Variants in SH3BP4 observed in about 807,000 individuals in gnomAD.
SH3BP4 encodes the protein SH3 domain-binding protein 4.
A neutral mutation model predicts 65.5 loss-of-function variants in SH3BP4; 33 were observed. That is an observed-to-expected ratio of 0.50 (90% CI 0.38 to 0.67). The LOEUF is 0.67. SH3BP4 is among the 30% of genes least tolerant of loss of function. SH3BP4 has a pLI of 0.00. For missense variants in SH3BP4, 1,134 were observed against 1,261.4 expected (o/e 0.90, Z 1.53); for synonymous variants, 552 against 545.5 (o/e 1.01, Z -0.17).
chr2:234,999,858 G>A (rs1289959222), intron 2 of SH3BP4, among the ~76,000 whole-genome samples: 1 of 152,224 alleles, frequency 6.6e-6, no homozygotes, highest in Middle Eastern at 3.2e-3. Flanking sequence ...GCTCTGTCAC[G>A]CGGCCTCTGC....
intron 1 of SH3BP4, among the ~76,000 whole-genome samples, chr2:234,956,989 A>G (rs1178540218): frequency 9.9e-5 from 15 of 151,810 alleles, no homozygotes; most frequent in Admixed American, 9.8e-4. Flanking sequence ...GTATCTGCCA[A>G]TTTCTGTGAC....
At chr2:235,038,366 A>AATATATTTTTT (rs1695503102) in intron 3 of SH3BP4, among the ~76,000 whole-genome samples, 3 of 39,680 alleles carry the variant, frequency 7.6e-5, no homozygotes, top group African/African-American at 1.2e-4. Flanking sequence ...ATATATATAT[A>AATATATTTTTT]ATATATATAC....
chr2:234,979,394 T>C (rs1261461712), intron 1 of SH3BP4: 1 of 152,214 alleles, frequency 6.6e-6, no homozygotes, highest in Non-Finnish European at 1.5e-5. Flanking sequence ...TTTTATCACA[T>C]GGGGTTGTGT....
chr2:235,051,289 G>A (rs1696044730), intron 4 of SH3BP4, among the ~76,000 whole-genome samples: 1 of 152,162 alleles, frequency 6.6e-6, no homozygotes, highest in Admixed American at 6.5e-5. Flanking sequence ...AGGACTAGCA[G>A]GCCTGCTGTC....
intron 1 of SH3BP4, among the ~76,000 whole-genome samples, chr2:234,972,544 G>A (rs1693032530): frequency 6.6e-6 from 1 of 151,978 alleles, no homozygotes; most frequent in Non-Finnish European, 1.5e-5. Flanking sequence ...GGGCAACATA[G>A]TGAAACCCTG....
In SH3BP4 at chr2:235,045,934, A is replaced by C. The variant is rs1160930741; in HGVS notation, c.2478+2687A>C. Among the ~76,000 whole-genome samples the C allele has an allele frequency of 2.0e-5, 3 of 152,192 alleles. No individual in the cohort carries two copies. ...ACAGTCAGTGTGCAGGGAGATGGGA[A>C]GGAAAAAGGAGTCAAATGAGACCTG... On this transcript the variant is annotated intron_variant, in intron 4 of 5. Coordinates refer to ENST00000392011, the MANE Select transcript of SH3BP4 (RefSeq NM_014521.3). This position sits in a 1 kb window ranked among gnomAD's most constrained non-coding sequence, Gnocchi z 4.3.
intron 1 of SH3BP4, among the ~76,000 whole-genome samples, chr2:234,969,523 G>A (rs1039867829): frequency 6.6e-6 from 1 of 152,196 alleles, no homozygotes; most frequent in Admixed American, 6.5e-5. Context: ...TGCCTTCAGC[G>A]CCAGTTGTCG....
chr2:234,960,439 CAATTTTG>C (rs1692680056), intron 1 of SH3BP4, among the ~76,000 whole-genome samples: 1 of 152,198 alleles, frequency 6.6e-6, no homozygotes, highest in Admixed American at 6.5e-5. Context: ...GACATCAACA[CAATTTTG>C]AATTTTGGTC....
rs1382571791 is a variant in SH3BP4 at position 234,977,336 on chromosome 2, G to A, written c.-206-17967G>A. Among the ~76,000 whole-genome samples the A allele has an allele frequency of 6.6e-6, 1 of 152,202 alleles. No homozygotes were observed. The highest frequency in any genetic ancestry group is 1.5e-5 in the Non-Finnish European group (1 of 68,040). ...ATGGCAGCTGGGCCCAGGCCTCCCA[G>A]TTGGGCCGAGGCCCATCTCTTTTCC... On this transcript the variant is annotated intron_variant, in intron 1 of 5. Coordinates refer to ENST00000392011, the MANE Select transcript of SH3BP4 (RefSeq NM_014521.3). The surrounding 1 kb of genome is among the most constrained non-coding windows in gnomAD (Gnocchi z 5.1).
At position 235,052,928 on chromosome 2, in the gene SH3BP4, C is replaced by T. The variant is rs1408389248; in HGVS notation, c.2667+178C>T. Among the ~76,000 whole-genome samples, 4 of 152,212 alleles carry T rather than the reference C, an allele frequency of 2.6e-5. No homozygotes were observed. Among genetic ancestry groups the T allele is most frequent in the African/African-American group, 4.8e-5 (2 of 41,452 alleles). On this transcript the variant is annotated intron_variant, in intron 5 of 5. Coordinates refer to ENST00000392011, the MANE Select transcript of SH3BP4 (RefSeq NM_014521.3). This position sits in a 1 kb window ranked among gnomAD's most constrained non-coding sequence, Gnocchi z 5.0. ...GCCTCACTGAGTGGGAGCCATCCTC[C>T]GGATTGGTTGTCGTGAGCCCTGGCT... is the stretch of plus-strand genomic sequence containing the variant.
chr2:234,980,443 G>T (rs1179299642), intron 1 of SH3BP4, among the ~76,000 whole-genome samples: 2 of 152,196 alleles, frequency 1.3e-5, no homozygotes, highest in East Asian at 1.9e-4. Flanking sequence ...TTGGCCAGGG[G>T]TAACTGAAAC....
chr2:235,037,361 G>C (rs1262432471), intron 3 of SH3BP4, among the ~76,000 whole-genome samples: 1 of 152,142 alleles, frequency 6.6e-6, no homozygotes. Flanking sequence ...CCTCCCTAGG[G>C]TTCTGGAAAG....
At position 234,976,179 on chromosome 2, in the gene SH3BP4, T is replaced by A. The variant is rs1693162539; in HGVS notation, c.-206-19124T>A. ...GGAGGACTCCTGCGGATTCCCCATC[T>A]ACCCATGAAGAGCGGCTCCTGCGGG... On this transcript the variant is annotated intron_variant, in intron 1 of 5. Coordinates refer to ENST00000392011, the MANE Select transcript of SH3BP4 (RefSeq NM_014521.3). This position sits in a 1 kb window ranked among gnomAD's most constrained non-coding sequence, Gnocchi z 4.7. Among the ~76,000 whole-genome samples the A allele has an allele frequency of 6.6e-6, 1 of 152,166 alleles. No individual in the cohort carries two copies. The highest frequency in any genetic ancestry group is 1.5e-5 in the Non-Finnish European group (1 of 68,024).
chr2:235,034,743 A>G lies in SH3BP4; in HGVS notation c.-132-128A>G, dbSNP rs1267058042. 2.2e-6 allele frequency: 1 copy of G among 451,812 alleles called. No individual in the cohort carries two copies. The highest frequency in any genetic ancestry group is 4.0e-6 in the Non-Finnish European group (1 of 247,142). The allele number at this position is 451,812 out of a possible 1,614,324, so 28.0% of individuals were successfully genotyped here. A position where few individuals can be genotyped will look rare whatever the true frequency, so the allele number is the denominator to read the frequency against. ...CGCTGCTCTGCTCTGTTGGGCCAGGAAAGATGAAATGGGTCTGTCCTCATT... is the reference window on the plus strand; with the variant it reads ...CGCTGCTCTGCTCTGTTGGGCCAGGGAAGATGAAATGGGTCTGTCCTCATT... On this transcript the variant is annotated intron_variant, in intron 2 of 5. Coordinates refer to ENST00000392011, the MANE Select transcript of SH3BP4 (RefSeq NM_014521.3). The surrounding 1 kb of genome is among the most constrained non-coding windows in gnomAD (Gnocchi z 6.2).
rs1177075868 is a variant in SH3BP4, at chr2:235,055,623, C to T, written c.*1807C>T. On this transcript the variant is annotated 3_prime_UTR_variant, in exon 6 of 6. Transcript: ENST00000392011. ...CACAAATAAAATTCTACAAAAGTTG[C>T]AGTAAATTTTATTTGGATATTTTAA... 6.6e-6 allele frequency: 1 copy of T among 152,616 alleles called. No individual in the cohort carries two copies. The highest frequency in any genetic ancestry group is 2.4e-5 in the African/African-American group (1 of 41,436). 9.5% of individuals were successfully genotyped at this position (152,616 alleles called of 1,614,324 possible).
In SH3BP4 at chr2:235,030,851, G is replaced by A. The variant is rs1408377933; in HGVS notation, c.-132-4020G>A. On this transcript the variant is annotated intron_variant, in intron 2 of 5. Coordinates refer to ENST00000392011, the MANE Select transcript of SH3BP4 (RefSeq NM_014521.3). The surrounding 1 kb of genome is among the most constrained non-coding windows in gnomAD (Gnocchi z 4.1). ...TGCTCAGGAAGGTTTTGGGAGTGGAGAGCCCTCTGCACTCAGTCCACACCA... is the reference window on the plus strand; with the variant it reads ...TGCTCAGGAAGGTTTTGGGAGTGGAAAGCCCTCTGCACTCAGTCCACACCA... Among the ~76,000 whole-genome samples the A allele has an allele frequency of 1.3e-5, 2 of 152,148 alleles. No individual in the cohort carries two copies. Among genetic ancestry groups the A allele is most frequent in the South Asian group, 2.1e-4 (1 of 4,822 alleles).
intron 1 of SH3BP4, among the ~76,000 whole-genome samples, chr2:234,973,858 C>T (rs537006520): frequency 1.3e-5 from 2 of 152,110 alleles, no homozygotes; most frequent in African/African-American, 4.8e-5. Context: ...TAGTCTCAAA[C>T]TCCTGGGGTC....
chr2:234,990,628 T>C (rs1471560613), intron 1 of SH3BP4, among the ~76,000 whole-genome samples: 1 of 152,136 alleles, frequency 6.6e-6, no homozygotes, highest in Non-Finnish European at 1.5e-5. Flanking sequence ...GTAGGTTGAG[T>C]TGGGTGAAGA....
intron 2 of SH3BP4, among the ~76,000 whole-genome samples, chr2:235,010,297 G>A (rs1694438167): frequency 6.6e-6 from 1 of 152,176 alleles, no homozygotes; most frequent in Non-Finnish European, 1.5e-5. Flanking sequence ...GCCTGTCTGA[G>A]TCCTGTGGCA....
Sources: gnomAD v4.1 joint callset for allele counts (sites outside exome capture counted in the v4.1 genomes callset) on GRCh38, gnomAD v4.1.1 for gene constraint, Gnocchi (gnomAD v3.1) non-coding constraint, MANE v1.5 for transcripts, NCBI Gene and HGNC (gene_info 2026-07-23, HGNC 2026-07-21) for gene names.